The following PER2 variants were observed in gnomAD, a reference collection of about 807,000 sequenced individuals.
The protein encoded by PER2 is period circadian regulator 2, also known as period circadian protein homolog 2.
PER2 carries 66 observed loss-of-function variants against 121.0 expected under a neutral mutation model. The ratio of observed to expected loss-of-function variants is 0.55; its 90% CI spans 0.45 to 0.67. The LOEUF (loss-of-function observed/expected upper bound fraction) is 0.67, where lower values mean the gene tolerates loss of function less well. Among genes scored for constraint, PER2 ranks in the 30% least tolerant of loss-of-function variants. PER2 has a pLI of 0.00. For synonymous variants in PER2, 684 were observed against 659.9 expected (o/e 1.04, Z -0.56); for missense variants, 1,521 against 1,635.0 (o/e 0.93, Z 1.20).
chr2:238,258,979 G>A (rs777720915), intron 14 of PER2, among the ~76,000 whole-genome samples: 1 of 152,202 alleles, frequency 6.6e-6, no homozygotes, highest in Non-Finnish European at 1.5e-5. Flanking sequence ...GAGAGCCCAC[G>A]TACTTTATGC....
Position 238,268,271 on chromosome 2 carries a change from C to G in PER2, c.825-73G>C. The G allele has an allele frequency of 4.0e-6, 6 of 1,498,538 alleles. No individual in the cohort carries two copies. The highest frequency in any genetic ancestry group is 5.5e-6 in the Non-Finnish European group (6 of 1,087,784). 92.8% of individuals were successfully genotyped at this position (1,498,538 alleles called of 1,614,324 possible). ...AGTCCCCTGTTCTGTTCCCTCCTCA[C>G]CTGGGCCCCATGCCATGCTGCAGGT... On this transcript the variant is annotated intron_variant, in intron 7 of 22. Transcript: ENST00000254657. The surrounding 1 kb of genome is among the most constrained non-coding windows in gnomAD (Gnocchi z 4.0).
the PER2 span, among the ~76,000 whole-genome samples, chr2:238,295,220 GTTGTTC>G: frequency 1.4e-5 from 2 of 146,654 alleles, no homozygotes; most frequent in African/African-American, 2.7e-5. Context: ...TGTTGTTGTT[GTTGTTC>G]TTCTTCTTCT....
chr2:238,278,746 G>A (rs2106326265), intron 1 of PER2, among the ~76,000 whole-genome samples: 1 of 152,308 alleles, frequency 6.6e-6, no homozygotes, highest in South Asian at 2.1e-4. Context: ...CGGGTAAAGA[G>A]GGCAGAGGGG....
chr2:238,272,620 G>GTGTA (rs58383022), intron 5 of PER2, among the ~76,000 whole-genome samples: 21 of 152,382 alleles, frequency 1.4e-4, no homozygotes, highest in African/African-American at 5.0e-4. Flanking sequence ...GTAGGTGTGT[G>GTGTA]TGTATGTGGC....
chr2:238,277,644 G>T lies in PER2; in HGVS notation c.230+63C>A, dbSNP rs1696493976. ...AGATTGCAAAAGCAATCAAATCACAGCAGAAATGAGCCACTGAGAAAACAA... is the reference window on the plus strand; with the variant it reads ...AGATTGCAAAAGCAATCAAATCACATCAGAAATGAGCCACTGAGAAAACAA... On this transcript the variant is annotated intron_variant, in intron 2 of 22. Transcript: ENST00000254657. 5 of 1,574,332 alleles carry T rather than the reference G, an allele frequency of 3.2e-6. No individual in the cohort carries two copies. In the East Asian group the frequency reaches 1.1e-4, roughly 35 times the overall value.
intron 9 of PER2, among the ~76,000 whole-genome samples, chr2:238,263,977 A>G (rs980600525): frequency 1.4e-5 from 2 of 146,150 alleles, no homozygotes; most frequent in Non-Finnish European, 1.5e-5. Context: ...AGGAAGGAAA[A>G]AGAGGGGGAG....
chr2:238,266,189 C>A (rs1006484862), intron 8 of PER2, among the ~76,000 whole-genome samples: 1 of 152,196 alleles, frequency 6.6e-6, no homozygotes, highest in Non-Finnish European at 1.5e-5. Context: ...AGGCGTGAGC[C>A]ACTGCGCCCG....
chr2:238,283,623 C>T (rs1315382175), intron 1 of PER2, among the ~76,000 whole-genome samples: 4 of 152,196 alleles, frequency 2.6e-5, no homozygotes, highest in South Asian at 4.1e-4. Context: ...GAGTGCCTTG[C>T]GGGGGCAGTC....
At chr2:238,271,585 A>G (rs1488608902) in intron 5 of PER2, 72 bp from the exon 6 acceptor site, 2 of 1,224,536 alleles carry the variant, frequency 1.6e-6, no homozygotes, top group Admixed American at 1.7e-5. Flanking sequence ...TCAGGCAGGC[A>G]GGCTGGAGGG....
chr2:238,260,494 G>T lies in PER2; in HGVS notation c.1542+334C>A, dbSNP rs1000109984. Among the ~76,000 whole-genome samples the T allele has an allele frequency of 7.9e-5, 12 of 152,302 alleles. 1 individual carries two copies. Among genetic ancestry groups the T allele is most frequent in the African/African-American group, 2.9e-4 (12 of 41,560 alleles). ...TGTTCTTGAACTCCTGACCTTAGGT[G>T]ATCCGCCTGCCTCGGCCTTCCAAAG... On this transcript the variant is annotated intron_variant, in intron 13 of 22. Transcript: ENST00000254657.
At chr2:238,292,640 T>C (rs1366140914), upstream of PER2, among the ~76,000 whole-genome samples, 3 of 152,228 alleles carry the variant, frequency 2.0e-5, no homozygotes, top group Non-Finnish European at 4.4e-5. Flanking sequence ...CATTGCCATA[T>C]ATTCTAATTC....
chr2:238,290,423 CAA>C (rs1439199133), upstream of PER2, among the ~76,000 whole-genome samples: 4 of 152,078 alleles, frequency 2.6e-5, no homozygotes, highest in Non-Finnish European at 4.4e-5. Context: ...GTTCTGGAAA[CAA>C]GAGTAAACAG....
At chr2:238,278,086 GTCTCTC>G in intron 1 of PER2, 131 bp from the exon 2 acceptor site, 3 of 935,896 alleles carry the variant, frequency 3.2e-6, no homozygotes, top group Non-Finnish European at 4.9e-6. Context: ...TCTTCTCTCT[GTCTCTC>G]TCTCTCTCTC....
chr2:238,273,018 G>A (rs1422580545), intron 5 of PER2, 52 bp downstream of exon 5: 2 of 1,599,492 alleles, frequency 1.3e-6, no homozygotes, highest in Non-Finnish European at 1.7e-6. Flanking sequence ...TAGCTCGCCT[G>A]CAGGAGGAAC....
intron 1 of PER2, among the ~76,000 whole-genome samples, chr2:238,287,850 C>A (rs1434715157): frequency 1.3e-5 from 2 of 152,196 alleles, no homozygotes. Context: ...CCACCTCCCA[C>A]CCCCTGGTCT....
At chr2:238,289,805 T>C (rs1233798486), upstream of PER2, 2 of 152,242 alleles carry the variant, frequency 1.3e-5, no homozygotes, top group Non-Finnish European at 2.9e-5. Context: ...TCGGTAAGCA[T>C]TGTGTGGGGC....
At chr2:238,259,720 C>T (rs1208598886) in intron 14 of PER2, among the ~76,000 whole-genome samples, 1 of 152,222 alleles carries the variant, frequency 6.6e-6, no homozygotes, top group Non-Finnish European at 1.5e-5. Context: ...GCACACCTAG[C>T]CACACCCCGC....
intron 1 of PER2, among the ~76,000 whole-genome samples, chr2:238,286,465 C>T (rs1397458956): frequency 6.6e-6 from 1 of 151,512 alleles, no homozygotes; most frequent in Non-Finnish European, 1.5e-5. Flanking sequence ...AATGTGTACA[C>T]GATGAGCATA....
rs1012435105 is a variant in PER2 at position 238,257,050 on chromosome 2, C to G, written c.1937G>C (p.Gly646Ala). 5.6e-6 allele frequency: 9 copies of G among 1,613,166 alleles called. No homozygotes were observed. Among genetic ancestry groups the G allele is most frequent in the Admixed American group, 3.3e-5 (2 of 60,000 alleles). Residue 646 changes from glycine to alanine, a missense_variant, in exon 17 of 23, where the codon GGA becomes GCA. By Grantham distance (60) the Gly-to-Ala change is moderately conservative (BLOSUM62 0). Coordinates refer to ENST00000254657, the MANE Select transcript of PER2 (RefSeq NM_022817.3). Reference sequence around the variant, plus strand: ...CAGCGAGGTCAGGTGCGTACCTACTCCCGTGCGGCTGTTCACCCTGGAGGG... The same window carrying G: ...CAGCGAGGTCAGGTGCGTACCTACTGCCGTGCGGCTGTTCACCCTGGAGGG... ...EPPSRVNSRT[G>A]VGTHLTSLAL... is the part of the protein sequence containing the mutation.
Sources: gnomAD v4.1 joint callset for allele counts (sites outside exome capture counted in the v4.1 genomes callset) on GRCh38, gnomAD v4.1.1 for gene constraint, Gnocchi (gnomAD v3.1) non-coding constraint, MANE v1.5 for transcripts, NCBI Gene and HGNC (gene_info 2026-07-23, HGNC 2026-07-21) for gene names.